The following MAP3K15 variants were observed in gnomAD, a reference collection of about 807,000 sequenced individuals.
MAP3K15 encodes mitogen-activated protein kinase kinase kinase 15.
MAP3K15 carries 124 observed loss-of-function variants against 99.5 expected under a neutral mutation model. The observed-to-expected ratio is 1.25, with a 90% CI of 1.08 to 1.45. The LOEUF is 1.45. Ranked by LOEUF, MAP3K15 falls within the 40% of genes most tolerant of loss-of-function variation. MAP3K15 has a pLI of 0.00. For missense variants in MAP3K15, 1,242 were observed against 1,079.7 expected (o/e 1.15, Z -2.11); for synonymous variants, 494 against 439.6 (o/e 1.12, Z -1.55).
At chrX:19,382,223 G>A (rs779417150) in intron 18 of MAP3K15, among the ~76,000 whole-genome samples, 1 of 84,805 alleles carries the variant, frequency 1.2e-5, no homozygotes, top group Admixed American at 1.6e-4. Context: ...CAGCCTTGGC[G>A]ACAGAGCGAG....
chrX:19,384,650 G>A (rs2063481585), intron 18 of MAP3K15, among the ~76,000 whole-genome samples: 1 of 106,066 alleles, frequency 9.4e-6, no homozygotes, highest in African/African-American at 3.5e-5. Flanking sequence ...GGCTGAGGTG[G>A]GAGGATCACC....
intron 3 of MAP3K15, among the ~76,000 whole-genome samples, chrX:19,465,122 G>A (rs1400270199): frequency 9.0e-6 from 1 of 110,673 alleles, no homozygotes; most frequent in African/African-American, 3.3e-5. Flanking sequence ...TCAAACTTCA[G>A]GGCTCAAACA....
intron 6 of MAP3K15, among the ~76,000 whole-genome samples, chrX:19,445,694 G>A (rs1336484328): frequency 2.7e-5 from 3 of 109,564 alleles, no homozygotes; most frequent in African/African-American, 1.0e-4. Context: ...TGTAATCCAA[G>A]CACTTTGGGA....
At chrX:19,423,898 C>G (rs1482245767) in intron 9 of MAP3K15, among the ~76,000 whole-genome samples, 2 of 111,566 alleles carry the variant, frequency 1.8e-5, no homozygotes, top group Non-Finnish European at 3.8e-5. Context: ...ACTCCATGCC[C>G]ACATGACCCA....
intron 9 of MAP3K15, among the ~76,000 whole-genome samples, chrX:19,420,164 C>G (rs2063771011): frequency 1.8e-5 from 2 of 111,184 alleles, no homozygotes; most frequent in South Asian, 7.5e-4. Flanking sequence ...CAAAAGCTAG[C>G]AGAAGGCAAG....
rs573006440 is a variant in MAP3K15 at position 19,408,423 on chromosome X, C to T, written c.1749-1140G>A. On this transcript the variant is annotated intron_variant, in intron 12 of 28. Coordinates refer to ENST00000338883, the MANE Select transcript of MAP3K15 (RefSeq NM_001001671.4). ...ATCCTAGCATTTTGGGAGGCTGACG[C>T]GGGCGGATCACTTGAGGTCAGGAGT... 6.2e-4 allele frequency: 73 copies of T among 117,833 alleles called. No homozygotes were observed. The South Asian group carries it at 0.013, about 20-fold the overall frequency. The allele number at this position is 117,833 out of a possible 1,213,427, so 9.7% of individuals were successfully genotyped here.
intron 17 of MAP3K15, 52 bp from the exon 18 acceptor site, chrX:19,392,159 A>C: frequency 9.3e-7 from 1 of 1,080,471 alleles, no homozygotes; most frequent in Non-Finnish European, 1.3e-6. Context: ...AAACGAACTC[A>C]TATGAAACAG....
intron 3 of MAP3K15, among the ~76,000 whole-genome samples, chrX:19,467,229 G>A (rs997170062): frequency 1.8e-5 from 2 of 110,214 alleles, no homozygotes; most frequent in African/African-American, 3.3e-5. Context: ...CTGCTCCCCC[G>A]CCCCCACACC....
At chrX:19,420,942 T>C (rs1389065761) in intron 9 of MAP3K15, among the ~76,000 whole-genome samples, 1 of 111,508 alleles carries the variant, frequency 9.0e-6, no homozygotes, top group Non-Finnish European at 1.9e-5. Context: ...CACATGATTA[T>C]CTCAATAGAT....
intron 15 of MAP3K15, 34 bp downstream of exon 15, chrX:19,398,192 G>A (rs1020574862): frequency 8.3e-7 from 1 of 1,207,141 alleles, no homozygotes; most frequent in African/African-American, 1.7e-5. Context: ...TGTGGAGACG[G>A]CACCCGAAAT....
At chrX:19,464,068 T>G in intron 4 of MAP3K15, 145 bp downstream of exon 4, 1 of 468,958 alleles carries the variant, frequency 2.1e-6, no homozygotes, top group South Asian at 4.9e-5. Flanking sequence ...TTGGTTTCAT[T>G]TCAGTGGCCC....
intron 13 of MAP3K15, among the ~76,000 whole-genome samples, chrX:19,405,249 C>G (rs1416599479): frequency 8.9e-6 from 1 of 111,883 alleles, no homozygotes; most frequent in East Asian, 2.8e-4. Flanking sequence ...ACACCACTTT[C>G]ACCAGATGAT....
intron 9 of MAP3K15, among the ~76,000 whole-genome samples, chrX:19,415,823 A>C (rs1326363655): frequency 8.9e-6 from 1 of 112,189 alleles, no homozygotes; most frequent in Admixed American, 9.5e-5. Flanking sequence ...CAAATCTCTT[A>C]CAAAAAGTTA....
intron 3 of MAP3K15, among the ~76,000 whole-genome samples, chrX:19,477,751 A>G (rs1368429116): frequency 1.8e-5 from 1 of 56,828 alleles, no homozygotes; most frequent in Non-Finnish European, 3.4e-5. Flanking sequence ...AGAAAAGAGA[A>G]AAGAAAAGAA....
Position 19,514,936 on chromosome X carries a change from C to T in MAP3K15, c.326G>A (p.Gly109Glu). The T allele has an allele frequency of 1.7e-6, 2 of 1,149,928 alleles. No homozygotes were observed. Among genetic ancestry groups the T allele is most frequent in the Non-Finnish European group, 2.3e-6 (2 of 869,427 alleles). The allele number at this position is 1,149,928 out of a possible 1,213,427, so 94.8% of individuals were successfully genotyped here. Residue 109 changes from glycine to glutamate, a missense_variant, in exon 1 of 29, where the codon GGG becomes GAG. Physicochemically the swap from Gly to Glu is moderately conservative, Grantham distance 98. Transcript: ENST00000338883. ...TSVPFGELDF[G>E]ETAVLDAFYD... Reference sequence around the variant, plus strand: ...GAAGGCGTCGAGCACGGCCGTCTCCCCGAAGTCCAGCTCCCCGAAGGGCAC... The same window carrying T: ...GAAGGCGTCGAGCACGGCCGTCTCCTCGAAGTCCAGCTCCCCGAAGGGCAC...
intron 3 of MAP3K15, among the ~76,000 whole-genome samples, chrX:19,474,537 G>A (rs2064227983): frequency 2.6e-5 from 1 of 38,884 alleles, no homozygotes; most frequent in East Asian, 1.2e-3. Flanking sequence ...AGTCATTCTT[G>A]GAGGTTGGGG....
chrX:19,392,418 G>A lies in MAP3K15; in HGVS notation c.2250C>T (p.Ile750=), dbSNP rs773083469. The change falls in exon 17 of 29, where the codon ATC becomes ATT. Residue 750 remains isoleucine (I), a synonymous_variant. Coordinates refer to ENST00000338883, the MANE Select transcript of MAP3K15 (RefSeq NM_001001671.4). Reference sequence around the variant, plus strand: ...CCAGGATCTGTTTGGTGTAAAACTTGATTGTCGGTTCCTTCATCGGCCCCC... The same window carrying A: ...CCAGGATCTGTTTGGTGTAAAACTTAATTGTCGGTTCCTTCATCGGCCCCC... ...SKWGPMKEPT[I]KFYTKQILEG... 3.3e-6 allele frequency: 4 copies of A among 1,208,936 alleles called. No homozygotes were observed. In the East Asian group the frequency reaches 1.2e-4, roughly 36 times the overall value.
chrX:19,476,474 T>C (rs2064243992), intron 3 of MAP3K15, among the ~76,000 whole-genome samples: 1 of 112,105 alleles, frequency 8.9e-6, no homozygotes, highest in Non-Finnish European at 1.9e-5. Flanking sequence ...GTTAATTTAT[T>C]GTAGAAGAAA....
chrX:19,397,311 T>TA (rs898868844), intron 15 of MAP3K15, among the ~76,000 whole-genome samples: 26 of 111,904 alleles, frequency 2.3e-4, no homozygotes, highest in African/African-American at 7.5e-4. Flanking sequence ...GGTAGGATGT[T>TA]AAAAAAAATT....
Sources: gnomAD v4.1 joint callset for allele counts (sites outside exome capture counted in the v4.1 genomes callset) on GRCh38, gnomAD v4.1.1 for gene constraint, MANE v1.5 for transcripts, NCBI Gene and HGNC (gene_info 2026-07-23, HGNC 2026-07-21) for gene names.